The following KCTD1 variants were observed in gnomAD, a reference collection of about 807,000 sequenced individuals.
The protein encoded by KCTD1 is potassium channel tetramerization domain containing 1.
In KCTD1, 24 loss-of-function variants were observed where a neutral mutation model predicts 66.0. The observed-to-expected ratio is 0.36, with a 90% CI of 0.26 to 0.51. The LOEUF (loss-of-function observed/expected upper bound fraction) is 0.51. KCTD1 is among the 20% of genes least tolerant of loss of function. The pLI, the probability that KCTD1 is intolerant of heterozygous loss-of-function variation, is 0.95. For missense variants in KCTD1, 943 were observed against 1,205.2 expected, an observed-to-expected ratio of 0.78 and a Z score of 3.22; for synonymous variants, 511 against 517.2, an observed-to-expected ratio of 0.99 and a Z score of 0.16.
intron 1 of KCTD1, among the ~76,000 whole-genome samples, chr18:26,645,630 T>A (rs62085531): frequency 0.013 from 1,951 of 152,256 alleles, 20 homozygotes; most frequent in Middle Eastern, 0.017. Flanking sequence ...ACTCCTGACC[T>A]TAAGCAATCC....
intron 1 of KCTD1, among the ~76,000 whole-genome samples, chr18:26,621,803 C>A (rs1987392297): frequency 6.6e-6 from 1 of 152,182 alleles, no homozygotes; most frequent in African/African-American, 2.4e-5. Flanking sequence ...CCAGAAAACA[C>A]ATTTTTTGTT....
At chr18:26,601,478 TTTA>T (rs1986899179) in intron 1 of KCTD1, among the ~76,000 whole-genome samples, 1 of 152,124 alleles carries the variant, frequency 6.6e-6, no homozygotes. Context: ...TACTGGAGCA[TTTA>T]TTAAGTTCTT....
At chr18:26,467,685 G>C (rs901739199) in intron 3 of KCTD1, among the ~76,000 whole-genome samples, 2 of 151,636 alleles carry the variant, frequency 1.3e-5, no homozygotes, top group Admixed American at 6.6e-5. Flanking sequence ...CATGGTGGGG[G>C]GTGCCTGTAA....
intron 1 of KCTD1, among the ~76,000 whole-genome samples, chr18:26,568,185 T>A (rs978805643): frequency 6.6e-6 from 1 of 151,668 alleles, no homozygotes; most frequent in African/African-American, 2.4e-5. Flanking sequence ...AGGGAAAGAG[T>A]GGAGTAGTTA....
intron 1 of KCTD1, among the ~76,000 whole-genome samples, chr18:26,626,083 A>G (rs2438415): frequency 0.47 from 71,572 of 151,528 alleles, 17,559 homozygotes; most frequent in East Asian, 0.76. Flanking sequence ...ACACCGTGAA[A>G]GCACAGTGAA....
chr18:26,620,601 AATTTTTGTATTTTTTGTAG>A, intron 1 of KCTD1, among the ~76,000 whole-genome samples: 1 of 151,230 alleles, frequency 6.6e-6, no homozygotes, highest in African/African-American at 2.4e-5. Flanking sequence ...ACGCCTGCCT[AATTTTTGTATTTTTTGTAG>A]AGACAGGGTT....
upstream of KCTD1, chr18:26,549,132 G>C: frequency 1.0e-6 from 1 of 985,072 alleles, no homozygotes; most frequent in Non-Finnish European, 1.2e-6. Flanking sequence ...AATGAGCAGG[G>C]TGGAGGAGGC....
At chr18:26,645,013 CA>C (rs1987905326), upstream of KCTD1, among the ~76,000 whole-genome samples, 1 of 151,906 alleles carries the variant, frequency 6.6e-6, no homozygotes, top group Non-Finnish European at 1.5e-5. Flanking sequence ...CAAGGCACTG[CA>C]AAATAGGGCA....
intron 1 of KCTD1, chr18:26,542,899 G>A (rs1985040625): frequency 6.6e-6 from 1 of 152,300 alleles, no homozygotes; most frequent in East Asian, 1.9e-4. Flanking sequence ...ACATTAATAT[G>A]TGAGTGCATG....
intron 1 of KCTD1, among the ~76,000 whole-genome samples, chr18:26,541,011 G>C (rs549436626): frequency 6.6e-6 from 1 of 152,174 alleles, no homozygotes; most frequent in Admixed American, 6.5e-5. Flanking sequence ...CGGTGGAGAT[G>C]GTGCTGCAGG....
At chr18:26,643,823 T>A (rs181102814), upstream of KCTD1, among the ~76,000 whole-genome samples, 8 of 152,058 alleles carry the variant, frequency 5.3e-5, no homozygotes, top group South Asian at 2.1e-4. Context: ...TTAGCCGGGC[T>A]TGGTGGCGGG....
intron 1 of KCTD1, chr18:26,545,037 AG>A (rs1985144838): frequency 6.6e-6 from 1 of 152,246 alleles, no homozygotes; most frequent in East Asian, 1.9e-4. Flanking sequence ...TGCATTCCTT[AG>A]AACAAAACAA....
At chr18:26,464,689 C>T (rs1598875448) in intron 3 of KCTD1, among the ~76,000 whole-genome samples, 5 of 152,282 alleles carry the variant, frequency 3.3e-5, no homozygotes, top group African/African-American at 1.2e-4. Flanking sequence ...ACCGTGAGCA[C>T]AAAAAGGATT....
chr18:26,515,917 C>T (rs1023145311), intron 1 of KCTD1, among the ~76,000 whole-genome samples: 14 of 152,108 alleles, frequency 9.2e-5, no homozygotes, highest in African/African-American at 3.1e-4. Flanking sequence ...TGTTAAGAGC[C>T]CAGCTTAATT....
intron 1 of KCTD1, among the ~76,000 whole-genome samples, chr18:26,624,258 A>G (rs1249170694): frequency 6.6e-6 from 1 of 152,254 alleles, no homozygotes; most frequent in Non-Finnish European, 1.5e-5. Flanking sequence ...AGAAATTTGC[A>G]TAAGTAATGA....
intron 1 of KCTD1, among the ~76,000 whole-genome samples, chr18:26,593,953 G>A (rs896116913): frequency 1.4e-4 from 21 of 152,082 alleles, no homozygotes; most frequent in Middle Eastern, 6.8e-3. Context: ...AAGGGGGGGA[G>A]AAGCAGTCAA....
intron 1 of KCTD1, among the ~76,000 whole-genome samples, chr18:26,590,574 T>C (rs1040746084): frequency 2.0e-5 from 3 of 152,104 alleles, no homozygotes; most frequent in Admixed American, 6.5e-5. Context: ...TCTTAGAAAA[T>C]ATAAACTTAA....
chr18:26,597,083 A>C (rs546410925), intron 1 of KCTD1, among the ~76,000 whole-genome samples: 1 of 151,940 alleles, frequency 6.6e-6, no homozygotes, highest in South Asian at 2.1e-4. Context: ...TATGTGTAGG[A>C]GGGCTGCTTG....
In KCTD1 at chr18:26,548,035, G is replaced by A. The variant is rs1567989493; in HGVS notation, c.502C>T (p.Leu168=). ...GTGGCCAGCCGGGTGTTCTCGCTCA[G>A]CCGGGCCCGCTCGGGGCGCTGCAGC... The part of the protein sequence containing the change: ...DVLQRPERAR[L]SENTRLATRY... Residue 168 remains leucine, a synonymous_variant, in exon 1 of 5, where the codon CTG becomes TTG. Transcript: ENST00000580059. 1 of 1,517,502 alleles carries A rather than the reference G, an allele frequency of 6.6e-7. No homozygotes were observed. Among genetic ancestry groups the A allele is most frequent in the Non-Finnish European group, 8.8e-7 (1 of 1,134,916 alleles). The allele number at this position is 1,517,502 out of a possible 1,614,324, so 94.0% of individuals were successfully genotyped here.
Sources: gnomAD v4.1 joint callset for allele counts (sites outside exome capture counted in the v4.1 genomes callset) on GRCh38, gnomAD v4.1.1 for gene constraint, MANE v1.5 for transcripts, NCBI Gene and HGNC (gene_info 2026-07-23, HGNC 2026-07-21) for gene names.